BMP7: variants seen among roughly 807,000 people sequenced by gnomAD.
BMP7 encodes bone morphogenetic protein 7.
BMP7 carries 12 observed loss-of-function variants against 41.2 expected under a neutral mutation model. That is an observed-to-expected ratio of 0.29 (90% confidence interval 0.19 to 0.47). The LOEUF (loss-of-function observed/expected upper bound fraction) is 0.47. Among genes scored for constraint, BMP7 ranks in the 20% least tolerant of loss-of-function variants. The pLI is 0.99. For missense variants in BMP7, 467 were observed against 606.0 expected, an observed-to-expected ratio of 0.77 and a Z score of 2.41; for synonymous variants, 248 against 250.0, an observed-to-expected ratio of 0.99 and a Z score of 0.07.
intron 4 of BMP7, among the ~76,000 whole-genome samples, chr20:57,181,641 CCAA>C (rs1984083205): frequency 6.6e-6 from 1 of 152,192 alleles, no homozygotes; most frequent in Non-Finnish European, 1.5e-5. Context: ...GCTCTGAAGT[CCAA>C]CACCAGTCTT....
At chr20:57,263,982 T>C (rs944393550) in intron 1 of BMP7, among the ~76,000 whole-genome samples, 8 of 152,098 alleles carry the variant, frequency 5.3e-5, no homozygotes, top group African/African-American at 1.9e-4. Flanking sequence ...TGCAGCCCAC[T>C]CATCTGCACC....
chr20:57,198,997 C>A (rs937134301), intron 3 of BMP7, among the ~76,000 whole-genome samples: 1 of 152,336 alleles, frequency 6.6e-6, no homozygotes, highest in Middle Eastern at 3.4e-3. Context: ...GTTCAGGTGA[C>A]CCTGTCTCTA....
chr20:57,199,923 G>A (rs1568712392), intron 3 of BMP7, among the ~76,000 whole-genome samples: 2 of 152,200 alleles, frequency 1.3e-5, no homozygotes, highest in African/African-American at 2.4e-5. Context: ...ATGGTGTCCC[G>A]GAGTCAGAGG....
intron 2 of BMP7, among the ~76,000 whole-genome samples, chr20:57,220,131 A>G (rs1568719700): frequency 6.6e-6 from 1 of 152,216 alleles, no homozygotes; most frequent in Non-Finnish European, 1.5e-5. Flanking sequence ...ATGGAAAGCC[A>G]TGGGCATTGT....
chr20:57,185,854 C>T (rs1984197156), intron 3 of BMP7, among the ~76,000 whole-genome samples: 2 of 151,680 alleles, frequency 1.3e-5, no homozygotes, highest in African/African-American at 4.8e-5. Flanking sequence ...CAGGGCAGAG[C>T]TTTGCATACC....
At chr20:57,216,656 T>C (rs1169103436) in intron 2 of BMP7, among the ~76,000 whole-genome samples, 2 of 151,874 alleles carry the variant, frequency 1.3e-5, no homozygotes, top group East Asian at 1.9e-4. Flanking sequence ...GAATTCTCCA[T>C]AGACCTTGAC....
At chr20:57,263,752 T>C (rs928302542) in intron 1 of BMP7, among the ~76,000 whole-genome samples, 3 of 152,204 alleles carry the variant, frequency 2.0e-5, no homozygotes, top group African/African-American at 7.2e-5. Context: ...ATTATTTATA[T>C]GTATGTATTT....
Position 57,259,693 on chromosome 20 carries a change from G to A in BMP7, c.418+6012C>T, listed in dbSNP as rs138628759. 2.0e-5 allele frequency among the ~76,000 whole-genome samples: 3 copies of A among 152,224 alleles called. No homozygotes were observed. The highest frequency in any genetic ancestry group is 6.5e-5 in the Admixed American group (1 of 15,298). ...CTTCCGACACAAATGTTGAAAAGGC[G>A]GTATTGCACATGCTTGCCTGAGTTT... On this transcript the variant is annotated intron_variant, in intron 1 of 6. Coordinates refer to ENST00000395863, the MANE Select transcript of BMP7 (RefSeq NM_001719.3). The surrounding 1 kb of genome is among the most constrained non-coding windows in gnomAD (Gnocchi z 4.7).
At chr20:57,212,348 A>G (rs1409684197) in intron 2 of BMP7, among the ~76,000 whole-genome samples, 1 of 152,238 alleles carries the variant, frequency 6.6e-6, no homozygotes, top group African/African-American at 2.4e-5. Flanking sequence ...CAGGTGCACG[A>G]TGTCCCCTGC....
intron 3 of BMP7, among the ~76,000 whole-genome samples, chr20:57,186,269 G>A (rs1984209308): frequency 6.6e-6 from 1 of 152,218 alleles, no homozygotes. Flanking sequence ...GGAAGGATCT[G>A]GAAGACGCTT....
At chr20:57,186,896 C>T (rs763648006) in intron 3 of BMP7, among the ~76,000 whole-genome samples, 1 of 152,154 alleles carries the variant, frequency 6.6e-6, no homozygotes, top group Non-Finnish European at 1.5e-5. Context: ...CATTCTTGAG[C>T]GGGGTTTCCC....
intron 1 of BMP7, among the ~76,000 whole-genome samples, chr20:57,241,969 A>G (rs1041540824): frequency 2.0e-5 from 3 of 152,172 alleles, no homozygotes; most frequent in Non-Finnish European, 4.4e-5. Flanking sequence ...AGCTGAAAAG[A>G]AAAATGGGCC....
At chr20:57,264,925 G>A (rs1313295496) in intron 1 of BMP7, among the ~76,000 whole-genome samples, 6 of 151,466 alleles carry the variant, frequency 4.0e-5, no homozygotes, top group African/African-American at 1.5e-4. Context: ...CAGCTACTCG[G>A]GAGGCTGAGG....
intron 1 of BMP7, among the ~76,000 whole-genome samples, chr20:57,241,128 T>C (rs1383213850): frequency 6.6e-6 from 1 of 152,178 alleles, no homozygotes; most frequent in Non-Finnish European, 1.5e-5. Context: ...GTCACACAGC[T>C]GATCTGAATC....
At chr20:57,179,980 C>T (rs1312396148) in intron 4 of BMP7, among the ~76,000 whole-genome samples, 2 of 152,030 alleles carry the variant, frequency 1.3e-5, no homozygotes, top group Non-Finnish European at 2.9e-5. Context: ...GCCCGCGATG[C>T]CTAGTTCCTC....
chr20:57,204,302 C>T (rs905556828), intron 2 of BMP7, among the ~76,000 whole-genome samples: 14 of 152,184 alleles, frequency 9.2e-5, no homozygotes, highest in Admixed American at 2.0e-4. Flanking sequence ...AGACAGCCAC[C>T]GCTATTTATC....
In BMP7 at chr20:57,214,039, G is replaced by C. The variant is rs1224393265; in HGVS notation, c.612-11416C>G. Among the ~76,000 whole-genome samples, 1 of 152,210 alleles carries C rather than the reference G, an allele frequency of 6.6e-6. No individual in the cohort carries two copies. Among genetic ancestry groups the C allele is most frequent in the Admixed American group, 6.5e-5 (1 of 15,286 alleles). ...TAAAGTAAGATCACAGCTGCAGTGA[G>C]CTGACCCCAACTCAAGATGGAACCA... On this transcript the variant is annotated intron_variant, in intron 2 of 6. Transcript: ENST00000395863. The surrounding 1 kb of genome is among the most constrained non-coding windows in gnomAD (Gnocchi z 4.0).
At chr20:57,231,377 C>T (rs925610919) in intron 1 of BMP7, among the ~76,000 whole-genome samples, 10 of 152,194 alleles carry the variant, frequency 6.6e-5, no homozygotes, top group African/African-American at 2.4e-4. Context: ...TCACAGGACA[C>T]GTGTTTCATG....
intron 4 of BMP7, among the ~76,000 whole-genome samples, chr20:57,175,425 A>G (rs920235402): frequency 1.3e-5 from 2 of 152,196 alleles, no homozygotes; most frequent in Admixed American, 1.3e-4. Context: ...TCAACTCGTG[A>G]GGCCCCAACA....
Sources: allele counts gnomAD v4.1 joint callset (sites outside exome capture counted in the v4.1 genomes callset), GRCh38; gene constraint gnomAD v4.1.1; non-coding constraint Gnocchi (gnomAD v3.1); transcripts MANE v1.5; gene names NCBI Gene and HGNC (gene_info 2026-07-23, HGNC 2026-07-21).